The following TASOR variants were observed in gnomAD, a reference collection of about 807,000 sequenced individuals.
TASOR encodes protein TASOR.
A neutral mutation model predicts 178.6 loss-of-function variants in TASOR; 53 were observed. The ratio of observed to expected loss-of-function variants is 0.30; its 90% CI spans 0.24 to 0.37. TASOR has a LOEUF of 0.37. Ranked by LOEUF, TASOR falls within the 10% of genes least tolerant of loss-of-function variation. The probability of loss-of-function intolerance (pLI) is 1.00; values close to 1 mark genes in which losing one functional copy is unlikely to be tolerated. For missense variants in TASOR, 1,815 were observed against 1,971.4 expected (o/e 0.92, Z 1.50); for synonymous variants, 713 against 696.2 (o/e 1.02, Z -0.38).
intron 7 of TASOR, chr3:56,664,436 G>A (rs369260330): frequency 2.0e-5 from 3 of 152,122 alleles, no homozygotes; most frequent in Non-Finnish European, 2.9e-5. Context: ...CATAAATTTA[G>A]AGCCACAAAA....
rs2107624652 is a variant in TASOR, at chr3:56,668,382, G to C, written c.897+15C>G. ...GGTATGAGATCACAACATTACAACG[G>C]ATCCTGGAACCTACCTGAGTAAGCT... On this transcript the variant is annotated intron_variant, in intron 6 of 23. Coordinates refer to ENST00000683822, the MANE Select transcript of TASOR (RefSeq NM_001365635.2). 1.9e-6 allele frequency: 3 copies of C among 1,549,526 alleles called. No individual in the cohort carries two copies. In the South Asian group the frequency reaches 3.6e-5, roughly 19 times the overall value.
intron 8 of TASOR, 122 bp downstream of exon 8, chr3:56,663,419 A>G: frequency 1.8e-6 from 1 of 546,198 alleles, no homozygotes; most frequent in Non-Finnish European, 2.7e-6. Flanking sequence ...CTGATGCTAC[A>G]TTATAACTTT....
chr3:56,664,100 TAA>T (rs11323814), intron 7 of TASOR: 11 of 141,692 alleles, frequency 7.8e-5, no homozygotes, highest in African/African-American at 1.8e-4. Context: ...AGTATAGAGG[TAA>T]AAAAAAAAAA....
chr3:56,636,542 C>A (rs1432956681), intron 17 of TASOR, among the ~76,000 whole-genome samples: 1 of 151,642 alleles, frequency 6.6e-6, no homozygotes, highest in Non-Finnish European at 1.5e-5. Flanking sequence ...GTAGCTGCGA[C>A]TACAGGCTCA....
chr3:56,674,306 G>C (rs2107636129), intron 1 of TASOR, among the ~76,000 whole-genome samples: 1 of 149,262 alleles, frequency 6.7e-6, no homozygotes, highest in East Asian at 2.0e-4. Flanking sequence ...TTCCAGAGCA[G>C]CCTGGGCAAC....
intron 6 of TASOR, among the ~76,000 whole-genome samples, chr3:56,667,488 A>G (rs1202435974): frequency 6.6e-6 from 1 of 151,818 alleles, no homozygotes; most frequent in African/African-American, 2.4e-5. Flanking sequence ...CCCCATCTCT[A>G]CTAAAAAAAA....
Position 56,671,678 on chromosome 3 carries a change from T to C in TASOR, c.492A>G (p.Arg164=). 3 of 1,548,916 alleles carry C rather than the reference T, an allele frequency of 1.9e-6. No homozygotes were observed. The highest frequency in any genetic ancestry group is 2.6e-6 in the Non-Finnish European group (3 of 1,145,522). The change falls in exon 3 of 24, where the codon CGA becomes CGG. Residue 164 remains arginine (R), a synonymous_variant. Transcript: ENST00000683822. Reference sequence around the variant, plus strand: ...AACGACCATCAAACTTCAGTTCTCTTCGCTTTTCTGTAAACTAAATGAAAT... The same window carrying C: ...AACGACCATCAAACTTCAGTTCTCTCCGCTTTTCTGTAAACTAAATGAAAT... ...ELLEKEFTEK[R]RELKFDGRLD...
At chr3:56,648,736 C>A in intron 13 of TASOR, 86 bp downstream of exon 13, 2 of 869,776 alleles carry the variant, frequency 2.3e-6, no homozygotes, top group Non-Finnish European at 3.5e-6. Flanking sequence ...GTAAGAAAGA[C>A]AAAATGTTTA....
In TASOR at chr3:56,621,608, C is replaced by A; in HGVS notation, c.*1429G>T. The A allele has an allele frequency of 6.3e-7, 1 of 1,595,276 alleles. No homozygotes were observed. The highest frequency in any genetic ancestry group is 1.1e-5 in the South Asian group (1 of 87,620). On this transcript the variant is annotated 3_prime_UTR_variant, in exon 24 of 24. Coordinates refer to ENST00000683822, the MANE Select transcript of TASOR (RefSeq NM_001365635.2). The stretch of plus-strand genomic sequence containing the variant: ...GAAAATCAAGAAGAGAGTTTTGGTT[C>A]TTCATTTTAAATGTAGAAAATCAAA...
rs200563279 is a variant in TASOR, at chr3:56,621,489, G to A, written c.*1548C>T. On this transcript the variant is annotated 3_prime_UTR_variant, in exon 24 of 24. Transcript: ENST00000683822. Reference sequence around the variant, plus strand: ...AGTTTAACACAACATTGCAAGTCAGGTGTGCACATTTTACTAACAAACATA... The same window carrying A: ...AGTTTAACACAACATTGCAAGTCAGATGTGCACATTTTACTAACAAACATA... 153 of 1,185,660 alleles carry A rather than the reference G, an allele frequency of 1.3e-4. No homozygotes were observed. The highest frequency in any genetic ancestry group is 7.9e-4 in the Middle Eastern group (4 of 5,034). The allele number at this position is 1,185,660 out of a possible 1,614,324, so 73.4% of individuals were successfully genotyped here. A position where few individuals can be genotyped will look rare whatever the true frequency, so the allele number is the denominator to read the frequency against.
intron 18 of TASOR, chr3:56,628,886 G>T: frequency 1.4e-5 from 3 of 215,010 alleles, no homozygotes; most frequent in Non-Finnish European, 2.7e-5. Flanking sequence ...TCAGCCTCCT[G>T]AATACATGGA....
At chr3:56,674,424 C>T (rs1278219862) in intron 1 of TASOR, among the ~76,000 whole-genome samples, 3 of 151,742 alleles carry the variant, frequency 2.0e-5, no homozygotes, top group Non-Finnish European at 4.4e-5. Context: ...GCAGGAGGAT[C>T]CTTTGAGCCC....
In TASOR at chr3:56,653,006, T is replaced by C. The variant is rs187074567; in HGVS notation, c.1369-3949A>G. Among the ~76,000 whole-genome samples the C allele has an allele frequency of 1.6e-3, 238 of 152,150 alleles. 1 individual carries two copies. The highest frequency in any genetic ancestry group is 2.4e-3 in the Non-Finnish European group (166 of 67,978). ...CAGGCCGGGCGCAGTGGCTCACGCC[T>C]GTAATCCCAGCACTTTGGGAGGCCG... On this transcript the variant is annotated intron_variant, in intron 11 of 23. Transcript: ENST00000683822.
chr3:56,665,372 T>C (rs2077685870), intron 7 of TASOR, among the ~76,000 whole-genome samples: 1 of 152,066 alleles, frequency 6.6e-6, no homozygotes, highest in Admixed American at 6.5e-5. Flanking sequence ...GTTGTTTAAA[T>C]ACAGACGAAG....
Position 56,621,366 on chromosome 3 carries a change from T to C in TASOR, c.*1671A>G, listed in dbSNP as rs2076590955. ...GAATCTTACAAATGTGATAGCTATA[T>C]ATCCAAATGAGGTGGTCTAGTACAA... On this transcript the variant is annotated 3_prime_UTR_variant, in exon 24 of 24. Transcript: ENST00000683822. The C allele has an allele frequency of 4.5e-6, 2 of 445,054 alleles. No individual in the cohort carries two copies. The highest frequency in any genetic ancestry group is 4.0e-6 in the Non-Finnish European group (1 of 248,410). The allele number at this position is 445,054 out of a possible 1,614,324, so 27.6% of individuals were successfully genotyped here. A position where few individuals can be genotyped will look rare whatever the true frequency, so the allele number is the denominator to read the frequency against.
chr3:56,669,756 C>G lies in TASOR; in HGVS notation c.679G>C (p.Ala227Pro). 2.6e-6 allele frequency: 4 copies of G among 1,549,058 alleles called. No homozygotes were observed. The highest frequency in any genetic ancestry group is 2.6e-6 in the Non-Finnish European group (3 of 1,145,852). ...ATTGCCCCCGTGTCCAAAGGATTCG[C>G]TTGTAATAAATCAGCATACCTAGAA... ...YLSRYADLLQ[A>P]NPLDTGAMGD... is the part of the protein sequence containing the mutation. Residue 227 changes from alanine (A) to proline (P), a missense_variant, in exon 5 of 24, where the codon GCG (alanine) becomes CCG (proline). Ala to Pro is a conservative substitution (Grantham distance 27, BLOSUM62 -1). Around this residue, in one of 5 missense-constraint regions of TASOR, gnomAD observed 504 missense variants for 645.3 expected, o/e 0.78. Transcript: ENST00000683822.
In TASOR at chr3:56,641,450, C is replaced by A. The variant is rs770552974; in HGVS notation, c.2518G>T (p.Gly840Cys). The A allele has an allele frequency of 3.7e-6, 6 of 1,613,022 alleles. No individual in the cohort carries two copies. The African/African-American group carries it at 8.0e-5, about 22-fold the overall frequency. ...CAKVENAQFK[G>C]TQSLLLEVDA... ...ACTTCTAGTAATAAGCTCTGAGTACCCTTAAACTGTGCATTTTCAACTTTT... is the reference window on the plus strand; with the variant it reads ...ACTTCTAGTAATAAGCTCTGAGTACACTTAAACTGTGCATTTTCAACTTTT... The change falls in exon 15 of 24, where the codon GGT becomes TGT. Residue 840 changes from glycine (G) to cysteine (C), a missense_variant. This residue lies in a region of TASOR where 655 missense variants were observed against 671.1 expected (regional missense o/e 0.98). Coordinates refer to ENST00000683822, the MANE Select transcript of TASOR (RefSeq NM_001365635.2).
rs374302042 is a variant in TASOR, at chr3:56,640,632, C to T, written c.2620-502G>A. 2.7e-4 allele frequency among the ~76,000 whole-genome samples: 41 copies of T among 152,130 alleles called. No homozygotes were observed. The South Asian group carries it at 7.5e-3, about 28-fold the overall frequency. On this transcript the variant is annotated intron_variant, in intron 15 of 23. Transcript: ENST00000683822. Reference sequence around the variant, plus strand: ...TCCCCTTGAAATAAATATCCCAAAACGACATCGAGAAAGAATGGGGACATG... The same window carrying T: ...TCCCCTTGAAATAAATATCCCAAAATGACATCGAGAAAGAATGGGGACATG...
chr3:56,669,769 A>T lies in TASOR; in HGVS notation c.666T>A (p.Ala222=), dbSNP rs1268310985. ...PSMGVYLSRY[A]DLLQANPLDT... is the part of the protein sequence containing the mutation. ...CCAAAGGATTCGCTTGTAATAAATCAGCATACCTAGAAAGATAGACACCTA... is the reference window on the plus strand; with the variant it reads ...CCAAAGGATTCGCTTGTAATAAATCTGCATACCTAGAAAGATAGACACCTA... Residue 222 remains alanine (A), a synonymous_variant, in exon 5 of 24, where the codon GCT becomes GCA. Coordinates refer to ENST00000683822, the MANE Select transcript of TASOR (RefSeq NM_001365635.2). 6.5e-7 allele frequency: 1 copy of T among 1,547,948 alleles called. No individual in the cohort carries two copies. Among genetic ancestry groups the T allele is most frequent in the Admixed American group, 2.0e-5 (1 of 50,410 alleles).
Sources: gnomAD v4.1 joint callset for allele counts (sites outside exome capture counted in the v4.1 genomes callset) on GRCh38, gnomAD v4.1.1 for gene constraint, gnomAD v4.1.1 regional missense constraint, MANE v1.5 for transcripts, NCBI Gene and HGNC (gene_info 2026-07-23, HGNC 2026-07-21) for gene names.